Variants in RORA observed in about 807,000 individuals in gnomAD.
The protein encoded by RORA is nuclear receptor ROR-alpha.
A neutral mutation model predicts 69.5 loss-of-function variants in RORA; 7 were observed. The ratio of observed to expected loss-of-function variants is 0.10; its 90% CI spans 0.06 to 0.19. The LOEUF is 0.19. RORA is among the 10% of genes least tolerant of loss of function. The pLI is 1.00. For missense variants in RORA, 457 were observed against 663.0 expected (o/e 0.69, Z 3.41); for synonymous variants, 261 against 240.8 (o/e 1.08, Z -0.78).
intron 1 of RORA, among the ~76,000 whole-genome samples, chr15:60,769,332 G>A (rs376451068): frequency 9.9e-5 from 15 of 152,058 alleles, no homozygotes; most frequent in Non-Finnish European, 1.9e-4. Context: ...TTTTTGTCTC[G>A]TCTTTATTCA....
intron 1 of RORA, among the ~76,000 whole-genome samples, chr15:60,946,238 C>T (rs72752783): frequency 0.15 from 22,298 of 151,948 alleles, 2,072 homozygotes; most frequent in Non-Finnish European, 0.21. Flanking sequence ...CTCCGACTCC[C>T]TCTCCCTCTC....
chr15:60,921,373 C>G (rs1446030352), intron 1 of RORA, among the ~76,000 whole-genome samples: 1 of 152,206 alleles, frequency 6.6e-6, no homozygotes, highest in African/African-American at 2.4e-5. Context: ...TTGCAGGCAT[C>G]AACATGGACA....
At chr15:60,940,877 A>C (rs1460195852) in intron 1 of RORA, among the ~76,000 whole-genome samples, 1 of 152,184 alleles carries the variant, frequency 6.6e-6, no homozygotes, top group Non-Finnish European at 1.5e-5. Context: ...CAGTGAGCCA[A>C]GATCGCACCA....
intron 2 of RORA, among the ~76,000 whole-genome samples, chr15:60,559,408 A>G (rs2067468363): frequency 6.6e-6 from 1 of 152,196 alleles, no homozygotes; most frequent in Non-Finnish European, 1.5e-5. Context: ...CTTGGAACCC[A>G]ACCAGATAAC....
Position 60,495,059 on chromosome 15 carries a change from C to T in RORA, c.*2396G>A, listed in dbSNP as rs149230229. 6.6e-6 allele frequency: 1 copy of T among 152,084 alleles called. No homozygotes were observed. The highest frequency in any genetic ancestry group is 1.5e-5 in the Non-Finnish European group (1 of 68,002). The allele number at this position is 152,084 out of a possible 1,614,324, so 9.4% of individuals were successfully genotyped here. ...TAATATACTTTAATAAAACCATCCC[C>T]AAATTTAGTGAATCTGAATGACAAA... On this transcript the variant is annotated 3_prime_UTR_variant, in exon 11 of 11. Coordinates refer to ENST00000335670, the MANE Select transcript of RORA (RefSeq NM_134261.3).
chr15:60,542,358 A>C (rs2066899038), intron 2 of RORA, among the ~76,000 whole-genome samples: 1 of 151,782 alleles, frequency 6.6e-6, no homozygotes, highest in Non-Finnish European at 1.5e-5. Context: ...CCACACATGC[A>C]CACCGTATGC....
intron 1 of RORA, among the ~76,000 whole-genome samples, chr15:60,705,836 A>G (rs904910104): frequency 2.0e-5 from 3 of 152,258 alleles, no homozygotes; most frequent in African/African-American, 7.2e-5. Flanking sequence ...CAAGGAGCTA[A>G]TAAGTATCAT....
At chr15:61,220,472 A>G (rs2080085065) in intron 1 of RORA, among the ~76,000 whole-genome samples, 1 of 152,194 alleles carries the variant, frequency 6.6e-6, no homozygotes, top group Non-Finnish European at 1.5e-5. Context: ...GATGTTGAAA[A>G]TCCATTAATT....
intron 1 of RORA, among the ~76,000 whole-genome samples, chr15:60,896,235 G>A (rs555118365): frequency 1.3e-5 from 2 of 152,170 alleles, no homozygotes; most frequent in African/African-American, 4.8e-5. Context: ...TTCCCAGATG[G>A]TCACACTCTT....
At chr15:60,855,187 T>G (rs549103223) in intron 1 of RORA, among the ~76,000 whole-genome samples, 2 of 152,344 alleles carry the variant, frequency 1.3e-5, no homozygotes, top group East Asian at 1.9e-4. Flanking sequence ...AAATCTGTAC[T>G]TTAAAGTTTC....
At chr15:61,153,776 G>GGGCTC (rs756764884) in intron 1 of RORA, among the ~76,000 whole-genome samples, 81,427 of 152,048 alleles carry the variant, frequency 0.54, 22,406 homozygotes, top group Non-Finnish European at 0.59. Flanking sequence ...ATGCACAATT[G>GGGCTC]CTAAGAACCC....
intron 1 of RORA, among the ~76,000 whole-genome samples, chr15:60,926,676 A>G (rs1198588477): frequency 6.6e-6 from 1 of 152,260 alleles, no homozygotes; most frequent in Non-Finnish European, 1.5e-5. Context: ...CTCGTTTATA[A>G]GAGAAAAGCT....
At chr15:61,129,911 G>C (rs922774972) in intron 1 of RORA, among the ~76,000 whole-genome samples, 7 of 152,188 alleles carry the variant, frequency 4.6e-5, no homozygotes, top group Non-Finnish European at 1.0e-4. Context: ...TCAGTAAACA[G>C]GGTTTCCAAT....
rs538702803 is a variant in RORA, at chr15:60,946,662, C to G, written c.167-267976G>C. On this transcript the variant is annotated intron_variant, in intron 1 of 10. Coordinates refer to ENST00000335670, the MANE Select transcript of RORA (RefSeq NM_134261.3). ...GCCTGCCTTGGCTTCCCAAAGTGCC[C>G]AGATTGCAGCCTCTGCCCAGCCGCC... Among the ~76,000 whole-genome samples the G allele has an allele frequency of 7.2e-5, 11 of 152,328 alleles. No homozygotes were observed. The East Asian group carries it at 2.1e-3, about 29-fold the overall frequency.
intron 1 of RORA, among the ~76,000 whole-genome samples, chr15:61,102,110 G>C (rs549205731): frequency 1.3e-5 from 2 of 152,118 alleles, no homozygotes; most frequent in Non-Finnish European, 2.9e-5. Flanking sequence ...CCAGCCCTCA[G>C]CACAAGGTTC....
chr15:61,172,397 A>G (rs146965451), intron 1 of RORA, among the ~76,000 whole-genome samples: 21 of 152,350 alleles, frequency 1.4e-4, no homozygotes, highest in Non-Finnish European at 2.2e-4. Flanking sequence ...GCATATTTAA[A>G]GGATGAGGCC....
chr15:60,692,166 A>C (rs2070837019), intron 1 of RORA, among the ~76,000 whole-genome samples: 1 of 152,256 alleles, frequency 6.6e-6, no homozygotes, highest in Admixed American at 6.5e-5. Context: ...CATTGAATTA[A>C]GCTGGGATCA....
At chr15:60,986,365 G>A (rs1894202390) in intron 1 of RORA, among the ~76,000 whole-genome samples, 1 of 152,146 alleles carries the variant, frequency 6.6e-6, no homozygotes, top group Non-Finnish European at 1.5e-5. Context: ...ATCTCCTGAT[G>A]ATCAGCTAAC....
At chr15:60,940,123 T>C (rs558155352) in intron 1 of RORA, among the ~76,000 whole-genome samples, 1 of 152,312 alleles carries the variant, frequency 6.6e-6, no homozygotes, top group African/African-American at 2.4e-5. Flanking sequence ...TTTTTGAAAA[T>C]GTTTCACTCT....
Sources: gnomAD v4.1 joint callset for allele counts (sites outside exome capture counted in the v4.1 genomes callset) on GRCh38, gnomAD v4.1.1 for gene constraint, MANE v1.5 for transcripts, NCBI Gene and HGNC (gene_info 2026-07-23, HGNC 2026-07-21) for gene names.